The following FSIP1 variants were observed in gnomAD, a reference collection of about 807,000 sequenced individuals.
FSIP1 encodes the protein fibrous sheath-interacting protein 1.
In FSIP1, 65 loss-of-function variants were observed where a neutral mutation model predicts 60.9. The ratio of observed to expected loss-of-function variants is 1.07; its 90% confidence interval spans 0.87 to 1.31. The LOEUF (loss-of-function observed/expected upper bound fraction) is 1.31. Ranked by LOEUF, FSIP1 falls within the 40% of genes most tolerant of loss-of-function variation. FSIP1 has a pLI of 0.00. For synonymous variants in FSIP1, 209 were observed against 221.2 expected, an observed-to-expected ratio of 0.94 and a Z score of 0.49; for missense variants, 675 against 665.5, an observed-to-expected ratio of 1.01 and a Z score of -0.16.
chr15:39,745,930 T>C (rs1896977078), intron 5 of FSIP1, among the ~76,000 whole-genome samples: 1 of 151,978 alleles, frequency 6.6e-6, no homozygotes, highest in Non-Finnish European at 1.5e-5. Context: ...AATTTAAACA[T>C]TAGCCGGGCA....
At chr15:39,643,418 A>G (rs1281750380) in intron 10 of FSIP1, among the ~76,000 whole-genome samples, 1 of 152,250 alleles carries the variant, frequency 6.6e-6, no homozygotes, top group Non-Finnish European at 1.5e-5. Context: ...GACTAGACCT[A>G]TTCCAAATGA....
At chr15:39,728,077 C>G (rs1358070420) in intron 8 of FSIP1, among the ~76,000 whole-genome samples, 1 of 152,052 alleles carries the variant, frequency 6.6e-6, no homozygotes, top group African/African-American at 2.4e-5. Flanking sequence ...TACAGCTAAC[C>G]AGGGAGGTGA....
chr15:39,644,156 C>T (rs1892488829), intron 10 of FSIP1, among the ~76,000 whole-genome samples: 1 of 152,152 alleles, frequency 6.6e-6, no homozygotes. Flanking sequence ...TCTGAAATTT[C>T]GCCTATAGGC....
chr15:39,777,159 C>A (rs1160889143), intron 1 of FSIP1, among the ~76,000 whole-genome samples: 1 of 151,978 alleles, frequency 6.6e-6, no homozygotes, highest in East Asian at 1.9e-4. Flanking sequence ...GTGTCAAACT[C>A]CTGACCTCAG....
chr15:39,745,150 C>A (rs1474476823), intron 5 of FSIP1, among the ~76,000 whole-genome samples: 2 of 146,410 alleles, frequency 1.4e-5, no homozygotes, highest in Non-Finnish European at 3.0e-5. Context: ...CCTCCCGAAC[C>A]CAGACACCAT....
chr15:39,716,842 G>A (rs1240153067), intron 9 of FSIP1, among the ~76,000 whole-genome samples: 2 of 136,010 alleles, frequency 1.5e-5, no homozygotes, highest in Non-Finnish European at 3.1e-5. Context: ...TTGAGACGGA[G>A]TCTCGCTCTG....
intron 3 of FSIP1, 93 bp from the exon 4 acceptor site, chr15:39,765,839 T>C: frequency 1.5e-6 from 1 of 667,402 alleles, no homozygotes; most frequent in Non-Finnish European, 2.5e-6. Context: ...ATTCAACAAA[T>C]ATTTATAGCT....
intron 10 of FSIP1, among the ~76,000 whole-genome samples, chr15:39,686,593 A>C (rs1318982353): frequency 2.0e-5 from 3 of 152,256 alleles, no homozygotes; most frequent in Admixed American, 6.5e-5. Flanking sequence ...GCTGTGACTA[A>C]CTGAAAAAAC....
intron 8 of FSIP1, among the ~76,000 whole-genome samples, chr15:39,729,218 C>A (rs1473897275): frequency 6.6e-6 from 1 of 152,202 alleles, no homozygotes; most frequent in African/African-American, 2.4e-5. Flanking sequence ...CACCATTCAA[C>A]CCAGCAATCT....
At chr15:39,772,246 T>C (rs1032786908) in intron 2 of FSIP1, among the ~76,000 whole-genome samples, 1 of 152,176 alleles carries the variant, frequency 6.6e-6, no homozygotes, top group Non-Finnish European at 1.5e-5. Context: ...CCTATATGCA[T>C]GATTTTTCTC....
chr15:39,758,106 C>T (rs1897358296), intron 5 of FSIP1, among the ~76,000 whole-genome samples: 1 of 152,096 alleles, frequency 6.6e-6, no homozygotes, highest in Admixed American at 6.6e-5. Context: ...GAAGTGTCTA[C>T]AGGGCCTACA....
At chr15:39,662,641 C>G in intron 10 of FSIP1, among the ~76,000 whole-genome samples, 1 of 151,816 alleles carries the variant, frequency 6.6e-6, no homozygotes, top group East Asian at 1.9e-4. Context: ...CGACTTCCTT[C>G]TGCCTCAGCT....
intron 10 of FSIP1, among the ~76,000 whole-genome samples, chr15:39,712,450 G>C (rs936010125): frequency 1.3e-5 from 2 of 152,144 alleles, no homozygotes; most frequent in African/African-American, 4.8e-5. Context: ...ACTGAGAGAA[G>C]GGTGATAAAA....
At chr15:39,642,709 G>GT (rs1181788371) in intron 10 of FSIP1, among the ~76,000 whole-genome samples, 1 of 152,134 alleles carries the variant, frequency 6.6e-6, no homozygotes, top group Non-Finnish European at 1.5e-5. Context: ...AACTTTCAAA[G>GT]TTTTTTTGTT....
chr15:39,735,483 A>G (rs937644327), intron 8 of FSIP1, among the ~76,000 whole-genome samples: 1 of 152,244 alleles, frequency 6.6e-6, no homozygotes, highest in African/African-American at 2.4e-5. Context: ...TGTAAAGGGC[A>G]CTTAACCATG....
chr15:39,613,723 C>T (rs1891117695), intron 11 of FSIP1, among the ~76,000 whole-genome samples: 1 of 152,002 alleles, frequency 6.6e-6, no homozygotes, highest in African/African-American at 2.4e-5. Flanking sequence ...ACTAGCAAAC[C>T]GAATTCAAAA....
intron 10 of FSIP1, among the ~76,000 whole-genome samples, chr15:39,705,991 C>T (rs574157322): frequency 9.0e-5 from 8 of 88,566 alleles, no homozygotes; most frequent in African/African-American, 2.7e-4. Context: ...GAGTGAGACT[C>T]GGTCTCAAAA....
chr15:39,600,884 G>T lies in FSIP1; in HGVS notation c.1742C>A (p.Pro581His), dbSNP rs748676748. The T allele has an allele frequency of 6.2e-7, 1 of 1,606,710 alleles. No homozygotes were observed. Among genetic ancestry groups the T allele is most frequent in the Admixed American group, 1.7e-5 (1 of 58,532 alleles). Reference protein sequence around the residue: ...TKDAAEECKEP With the variant: ...TKDAAEECKEH ...GCACACCCAGCAAGTCCTTGATTAG[G>T]GTTCTTTACATTCTTCTGCTGCATC... Residue 581 changes from proline to histidine, a missense_variant, in exon 12 of 12, where the codon CCC becomes CAC. Coordinates refer to ENST00000350221, the MANE Select transcript of FSIP1 (RefSeq NM_152597.5).
At chr15:39,660,246 C>T (rs1282103413) in intron 10 of FSIP1, among the ~76,000 whole-genome samples, 1 of 152,196 alleles carries the variant, frequency 6.6e-6, no homozygotes, top group East Asian at 1.9e-4. Flanking sequence ...AAAGGGGCAA[C>T]ATGTCCTTGA....
Sources: allele counts gnomAD v4.1 joint callset (sites outside exome capture counted in the v4.1 genomes callset), GRCh38; gene constraint gnomAD v4.1.1; transcripts MANE v1.5; gene names NCBI Gene and HGNC (gene_info 2026-07-23, HGNC 2026-07-21).